The following MROH2B variants were observed in gnomAD, a reference collection of about 807,000 sequenced individuals.
The protein encoded by MROH2B is maestro heat like repeat family member 2B.
In MROH2B, 177 loss-of-function variants were observed where a neutral mutation model predicts 208.6. The ratio of observed to expected loss-of-function variants is 0.85; its 90% CI spans 0.75 to 0.96. The LOEUF (loss-of-function observed/expected upper bound fraction) is 0.96, where lower values mean the gene tolerates loss of function less well. Among genes scored for constraint, MROH2B ranks in the 40% least tolerant of loss-of-function variants. MROH2B has a pLI of 0.00. For synonymous variants in MROH2B, 728 were observed against 659.0 expected, an observed-to-expected ratio of 1.10 and a Z score of -1.60; for missense variants, 2,002 against 1,878.7, an observed-to-expected ratio of 1.07 and a Z score of -1.21.
chr5:41,051,849 T>C (rs1479593113), intron 12 of MROH2B, among the ~76,000 whole-genome samples: 1 of 152,212 alleles, frequency 6.6e-6, no homozygotes. Context: ...TTTAAAGGAT[T>C]TTAAAAGCAT....
intron 34 of MROH2B, 90 bp downstream of exon 34, chr5:41,007,224 G>T: frequency 8.1e-7 from 1 of 1,233,396 alleles, no homozygotes; most frequent in Non-Finnish European, 1.1e-6. Flanking sequence ...AATCAATTAT[G>T]CTCAGTGAAG....
chr5:41,032,889 C>A (rs1742620907), intron 23 of MROH2B, 68 bp from the exon 24 acceptor site: 3 of 1,556,130 alleles, frequency 1.9e-6, no homozygotes, highest in Non-Finnish European at 2.6e-6. Context: ...GCAGCTGCAA[C>A]CTCATCAGAC....
In MROH2B at chr5:41,057,269, T is replaced by C. The variant is rs770475505; in HGVS notation, c.848A>G (p.Gln283Arg). The change falls in exon 8 of 42, where the codon CAG (glutamine) becomes CGG (arginine). Residue 283 changes from glutamine to arginine, a missense_variant and splice_region_variant. Gln to Arg is a conservative substitution (Grantham distance 43). Transcript: ENST00000399564. ...RRSIFINLLQ[Q>R]ICRAPEPPVK... Reference sequence around the variant, plus strand: ...GAGTTGACAGCATGGTCTTCTTACCTGCTGGAGTAAATTGATAAAGATGGA... The same window carrying C: ...GAGTTGACAGCATGGTCTTCTTACCCGCTGGAGTAAATTGATAAAGATGGA... 8 of 1,603,834 alleles carry C rather than the reference T, an allele frequency of 5.0e-6. No individual in the cohort carries two copies. Among genetic ancestry groups the C allele is most frequent in the Non-Finnish European group, 6.0e-6 (7 of 1,174,630 alleles).
chr5:41,066,210 G>A (rs1188640493), intron 3 of MROH2B, among the ~76,000 whole-genome samples: 1 of 152,170 alleles, frequency 6.6e-6, no homozygotes, highest in African/African-American at 2.4e-5. Context: ...TCCAGTATTG[G>A]TGGTATTGGG....
chr5:41,006,528 T>G (rs1741598489), intron 34 of MROH2B, among the ~76,000 whole-genome samples: 1 of 152,118 alleles, frequency 6.6e-6, no homozygotes, highest in Non-Finnish European at 1.5e-5. Context: ...AAAAAGATAC[T>G]TGCACACACA....
At chr5:41,059,267 G>GA (rs1743564781) in intron 6 of MROH2B, among the ~76,000 whole-genome samples, 1 of 151,988 alleles carries the variant, frequency 6.6e-6, no homozygotes, top group African/African-American at 2.4e-5. Flanking sequence ...TCCAGAGTAT[G>GA]AAATATAAAT....
chr5:41,019,134 C>G, intron 24 of MROH2B, 116 bp from the exon 25 acceptor site: 1 of 1,275,346 alleles, frequency 7.8e-7, no homozygotes, highest in Non-Finnish European at 1.1e-6. Flanking sequence ...GTCACATTTT[C>G]TGACACGTTG....
At chr5:41,068,810 A>G (rs1743888782) in intron 2 of MROH2B, among the ~76,000 whole-genome samples, 1 of 152,152 alleles carries the variant, frequency 6.6e-6, no homozygotes, top group African/African-American at 2.4e-5. Flanking sequence ...AACCGTACCT[A>G]AATGTTTGGA....
chr5:41,022,302 A>G (rs907341160), intron 24 of MROH2B, among the ~76,000 whole-genome samples: 2 of 152,172 alleles, frequency 1.3e-5, no homozygotes, highest in Non-Finnish European at 2.9e-5. Context: ...TTTCCTAGCA[A>G]AGGGAAGAGG....
intron 17 of MROH2B, 30 bp downstream of exon 17, chr5:41,047,691 A>G (rs758594539): frequency 5.1e-6 from 8 of 1,573,104 alleles, no homozygotes; most frequent in Middle Eastern, 1.7e-4. Flanking sequence ...TCATGCCATT[A>G]TTAAAAATTA....
Position 41,042,089 on chromosome 5 carries a change from C to T in MROH2B, c.1953+3G>A, listed in dbSNP as rs758168869. The T allele has an allele frequency of 1.3e-6, 2 of 1,552,028 alleles. No homozygotes were observed. The highest frequency in any genetic ancestry group is 1.8e-6 in the Non-Finnish European group (2 of 1,136,984). On this transcript the variant is annotated splice_donor_region_variant and intron_variant, in intron 19 of 41. Coordinates refer to ENST00000399564, the MANE Select transcript of MROH2B (RefSeq NM_173489.5). Reference sequence around the variant, plus strand: ...AGAGGAAATTGAGAGCAAGGGGTCCCACCTGTCTTTGATCCCCCAGTTGGT... The same window carrying T: ...AGAGGAAATTGAGAGCAAGGGGTCCTACCTGTCTTTGATCCCCCAGTTGGT...
intron 3 of MROH2B, among the ~76,000 whole-genome samples, chr5:41,065,808 A>G (rs1743792465): frequency 6.6e-6 from 1 of 152,162 alleles, no homozygotes; most frequent in Non-Finnish European, 1.5e-5. Context: ...TTTCCCAGCA[A>G]CTGACACCTA....
intron 34 of MROH2B, among the ~76,000 whole-genome samples, chr5:41,006,566 CA>C (rs1741600070): frequency 3.9e-5 from 6 of 152,150 alleles, no homozygotes; most frequent in Middle Eastern, 3.4e-3. Context: ...TTTGCAATTG[CA>C]AAAATATAAA....
chr5:41,059,191 T>TCACCTCC (rs1743561705), intron 6 of MROH2B, among the ~76,000 whole-genome samples: 3 of 152,040 alleles, frequency 2.0e-5, no homozygotes, highest in Admixed American at 1.3e-4. Flanking sequence ...TCTCTACCTC[T>TCACCTCC]CACCTCCCAT....
chr5:41,026,675 G>A (rs1742372356), intron 24 of MROH2B, among the ~76,000 whole-genome samples: 1 of 152,054 alleles, frequency 6.6e-6, no homozygotes, highest in Non-Finnish European at 1.5e-5. Context: ...TCATAGAATT[G>A]GGAAAAAGCT....
At chr5:41,006,791 C>T (rs144599517) in intron 34 of MROH2B, among the ~76,000 whole-genome samples, 67 of 151,992 alleles carry the variant, frequency 4.4e-4, no homozygotes, top group Admixed American at 3.2e-3. Context: ...GCTATTAGGA[C>T]GCAAAGGCAT....
chr5:41,045,651 C>T, intron 18 of MROH2B, 95 bp downstream of exon 18: 1 of 849,314 alleles, frequency 1.2e-6, no homozygotes, highest in Non-Finnish European at 1.9e-6. Flanking sequence ...AATGTTCCTC[C>T]CTCCCTTTGA....
chr5:41,069,734 T>C lies in MROH2B; in HGVS notation c.47A>G (p.Asn16Ser). 1 of 1,607,004 alleles carries C rather than the reference T, an allele frequency of 6.2e-7. No individual in the cohort carries two copies. The highest frequency in any genetic ancestry group is 1.3e-5 in the African/African-American group (1 of 74,906). ...EESIEMFGDI[N>S]LTLGMLNKED... ...CTTGTTCAGCATGCCAAGAGTGAGG[T>C]TAATATCCCCAAACATCTCTAAAAC... Residue 16 changes from asparagine to serine, a missense_variant, in exon 2 of 42, where the codon AAC becomes AGC. Asn to Ser is a conservative substitution (Grantham distance 46). Coordinates refer to ENST00000399564, the MANE Select transcript of MROH2B (RefSeq NM_173489.5).
At position 40,998,649 on chromosome 5, in the gene MROH2B, T is replaced by C. The variant is rs1215784287; in HGVS notation, c.4614A>G (p.Gln1538=). Reference sequence around the variant, plus strand: ...GTTCTCTGTCTAGTAACTCCACATATTGGCTGGTCAAATTGAGAACAACGG... The same window carrying C: ...GTTCTCTGTCTAGTAACTCCACATACTGGCTGGTCAAATTGAGAACAACGG... ...TDAVVLNLTS[Q]YVELLDREQL... is the part of the protein sequence containing the mutation. Residue 1538 remains glutamine, a synonymous_variant, in exon 41 of 42, where the codon CAA becomes CAG. Coordinates refer to ENST00000399564, the MANE Select transcript of MROH2B (RefSeq NM_173489.5). 1.9e-6 allele frequency: 3 copies of C among 1,593,438 alleles called. No individual in the cohort carries two copies. Among genetic ancestry groups the C allele is most frequent in the Non-Finnish European group, 2.6e-6 (3 of 1,169,204 alleles).
Sources: allele counts gnomAD v4.1 joint callset (sites outside exome capture counted in the v4.1 genomes callset), GRCh38; gene constraint gnomAD v4.1.1; transcripts MANE v1.5; gene names NCBI Gene and HGNC (gene_info 2026-07-23, HGNC 2026-07-21).